The following OXR1 variants were observed in gnomAD, a reference collection of about 807,000 sequenced individuals.
OXR1 encodes the protein oxidation resistance protein 1.
A neutral mutation model predicts 104.6 loss-of-function variants in OXR1; 41 were observed. The ratio of observed to expected loss-of-function variants is 0.39; its 90% CI spans 0.31 to 0.51. The LOEUF (loss-of-function observed/expected upper bound fraction) is 0.51, where lower values mean the gene tolerates loss of function less well. Among genes scored for constraint, OXR1 ranks in the 20% least tolerant of loss-of-function variants. The pLI is 0.77. For synonymous variants in OXR1, 348 were observed against 348.4 expected (o/e 1.00, Z 0.01); for missense variants, 955 against 1,031.9 (o/e 0.93, Z 1.02).
intron 1 of OXR1, among the ~76,000 whole-genome samples, chr8:106,321,948 A>C (rs1358497618): frequency 6.6e-6 from 1 of 152,222 alleles, no homozygotes; most frequent in Non-Finnish European, 1.5e-5. Context: ...TACTCAATTA[A>C]ATAAAAACTC....
At chr8:106,745,091 C>T (rs576129044) in intron 15 of OXR1, among the ~76,000 whole-genome samples, 7 of 152,098 alleles carry the variant, frequency 4.6e-5, no homozygotes, top group Non-Finnish European at 7.4e-5. Flanking sequence ...CTATGAAAAA[C>T]GAGTGCTAAA....
intron 11 of OXR1, among the ~76,000 whole-genome samples, chr8:106,728,210 T>C (rs1833529189): frequency 8.6e-6 from 1 of 116,440 alleles, no homozygotes; most frequent in Non-Finnish European, 1.8e-5. Context: ...CTTATGCTTC[T>C]AAACTGGAAA....
intron 3 of OXR1, among the ~76,000 whole-genome samples, chr8:106,661,359 A>G (rs940387911): frequency 3.9e-5 from 6 of 152,198 alleles, no homozygotes; most frequent in Non-Finnish European, 7.3e-5. Context: ...CCTCTCAGGA[A>G]AACCATAATT....
At chr8:106,750,782 CA>C (rs769736037) in intron 16 of OXR1, 23 bp from the exon 17 acceptor site, 3 of 1,515,012 alleles carry the variant, frequency 2.0e-6, no homozygotes. Context: ...TAAATATTAA[CA>C]GATTATTATT....
intron 1 of OXR1, among the ~76,000 whole-genome samples, chr8:106,348,586 T>C (rs1173258284): frequency 2.0e-5 from 3 of 152,174 alleles, no homozygotes; most frequent in African/African-American, 2.4e-5. Context: ...CTCATTAAAA[T>C]TGATTGTAGA....
intron 2 of OXR1, among the ~76,000 whole-genome samples, chr8:106,438,947 G>A (rs975375186): frequency 6.6e-6 from 1 of 152,032 alleles, no homozygotes; most frequent in African/African-American, 2.4e-5. Context: ...TGCTGTTCTT[G>A]GGATAATTAA....
intron 3 of OXR1, among the ~76,000 whole-genome samples, chr8:106,594,653 A>G (rs932943446): frequency 3.3e-5 from 5 of 152,216 alleles, no homozygotes; most frequent in African/African-American, 9.6e-5. Flanking sequence ...ACCTAAAAAA[A>G]TAAGAGGAGG....
At chr8:106,395,113 C>T (rs1162528884) in intron 2 of OXR1, among the ~76,000 whole-genome samples, 1 of 152,096 alleles carries the variant, frequency 6.6e-6, no homozygotes, top group African/African-American at 2.4e-5. Flanking sequence ...TACCTTCTGG[C>T]AGTTCTGAAA....
At chr8:106,476,588 A>AT (rs747887206) in intron 2 of OXR1, among the ~76,000 whole-genome samples, 10 of 151,606 alleles carry the variant, frequency 6.6e-5, no homozygotes, top group African/African-American at 1.9e-4. Context: ...CCTTTGTGGC[A>AT]TTTTTCCCCC....
intron 3 of OXR1, among the ~76,000 whole-genome samples, chr8:106,550,396 A>G (rs1208107737): frequency 6.6e-6 from 1 of 152,150 alleles, no homozygotes; most frequent in Admixed American, 6.5e-5. Context: ...GAAACTTACA[A>G]TCATGGTGGA....
chr8:106,586,692 A>T (rs571579419), intron 3 of OXR1, among the ~76,000 whole-genome samples: 33 of 152,286 alleles, frequency 2.2e-4, no homozygotes, highest in African/African-American at 7.5e-4. Context: ...GTTGGGTAGG[A>T]AGAAGTAGAC....
At chr8:106,424,919 T>A (rs913757001) in intron 2 of OXR1, among the ~76,000 whole-genome samples, 1 of 152,074 alleles carries the variant, frequency 6.6e-6, no homozygotes, top group African/African-American at 2.4e-5. Flanking sequence ...ACATATTTTT[T>A]AAAACTCTCC....
At chr8:106,518,895 G>A (rs901142316) in intron 2 of OXR1, 48 bp from the exon 3 acceptor site, 2 of 1,351,784 alleles carry the variant, frequency 1.5e-6, no homozygotes, top group Admixed American at 2.5e-5. Flanking sequence ...TGGAACAAAT[G>A]TGTCTCTAGA....
At chr8:106,715,744 C>T (rs1282532038) in intron 11 of OXR1, among the ~76,000 whole-genome samples, 1 of 152,000 alleles carries the variant, frequency 6.6e-6, no homozygotes, top group Non-Finnish European at 1.5e-5. Context: ...GGTTGGAGTA[C>T]TTAACTTTGG....
intron 7 of OXR1, among the ~76,000 whole-genome samples, chr8:106,694,220 G>C (rs1829595485): frequency 6.6e-6 from 1 of 151,422 alleles, no homozygotes. Context: ...CATTATATTT[G>C]TGTTGGGTGG....
intron 3 of OXR1, among the ~76,000 whole-genome samples, chr8:106,641,840 A>G (rs1586950266): frequency 6.6e-6 from 1 of 152,198 alleles, no homozygotes; most frequent in Admixed American, 6.5e-5. Context: ...CAAAAAAACT[A>G]GTGAAAAGGA....
chr8:106,520,332 G>A (rs1192695810), intron 3 of OXR1: 1 of 151,680 alleles, frequency 6.6e-6, no homozygotes, highest in Non-Finnish European at 1.5e-5. Context: ...CAGGAGACCA[G>A]ATTTCTAGTT....
intron 2 of OXR1, among the ~76,000 whole-genome samples, chr8:106,503,453 T>G (rs1811941811): frequency 6.6e-6 from 1 of 152,158 alleles, no homozygotes; most frequent in Non-Finnish European, 1.5e-5. Context: ...GTGTGGAGAT[T>G]AGAGCAAGGT....
At chr8:106,748,645 T>C (rs1449111793) in intron 16 of OXR1, among the ~76,000 whole-genome samples, 2 of 128,482 alleles carry the variant, frequency 1.6e-5, no homozygotes, top group Non-Finnish European at 3.1e-5. Flanking sequence ...CTTGGCTCAC[T>C]GTAACCTCTG....
Sources: gnomAD v4.1 joint callset for allele counts (sites outside exome capture counted in the v4.1 genomes callset) on GRCh38, gnomAD v4.1.1 for gene constraint, MANE v1.5 for transcripts, NCBI Gene and HGNC (gene_info 2026-07-23, HGNC 2026-07-21) for gene names.